MUC3A: variants seen among roughly 807,000 people sequenced by gnomAD.
MUC3A encodes the protein mucin-3A.
In MUC3A, 109 loss-of-function variants were observed where a neutral mutation model predicts 109.0. The ratio of observed to expected loss-of-function variants is 1.00; its 90% CI spans 0.86 to 1.17. The LOEUF (loss-of-function observed/expected upper bound fraction) is 1.17. MUC3A is among the 50% of genes most tolerant of loss of function. The pLI is 0.00. For missense variants in MUC3A, 3,537 were observed against 2,469.4 expected (o/e 1.43, Z -9.16); for synonymous variants, 1,398 against 981.4 (o/e 1.42, Z -7.93).
chr7:100,963,193 A>G lies in MUC3A; in HGVS notation c.9095A>G (p.Gln3032Arg). ...TEVGMEVSVD[Q>R]QFSPDLNDNT... ...GTGGGCATGGAAGTGTCTGTGGATC[A>G]GCAGTTCTCGCCGGACCTCAATGAC... Residue 3032 changes from glutamine (Q) to arginine (R), a missense_variant, in exon 4 of 12, where the codon CAG (glutamine) becomes CGG (arginine). Physicochemically the swap from Gln to Arg is conservative, Grantham distance 43 (BLOSUM62 1). Transcript: ENST00000379458. The G allele has an allele frequency of 6.3e-7, 1 of 1,598,378 alleles. No individual in the cohort carries two copies. The highest frequency in any genetic ancestry group is 1.1e-5 in the South Asian group (1 of 91,008).
Position 100,964,837 on chromosome 7 carries a change from T to A in MUC3A, c.9376T>A (p.Ser3126Thr), listed in dbSNP as rs758716238. 1 of 1,597,464 alleles carries A rather than the reference T, an allele frequency of 6.3e-7. No homozygotes were observed. The highest frequency in any genetic ancestry group is 2.2e-5 in the East Asian group (1 of 44,860). The change falls in exon 6 of 12, where the codon TCC becomes ACC. Residue 3126 changes from serine (S) to threonine (T), a missense_variant. Physicochemically the swap from Ser to Thr is moderately conservative, Grantham distance 58. Coordinates refer to ENST00000379458, the MANE Select transcript of MUC3A (RefSeq NM_005960.2). Reference sequence around the variant, plus strand: ...CCAGGATGTGAACAGCTGCCAGGACTCCCAGAGTGAGCCCAGGCTGGAGGG... The same window carrying A: ...CCAGGATGTGAACAGCTGCCAGGACACCCAGAGTGAGCCCAGGCTGGAGGG... ...ASQDVNSCQD[S>T]QTLCFKPDSI...
chr7:100,963,844 A>G (rs959208271), intron 5 of MUC3A, 92 bp downstream of exon 5: 2 of 1,559,200 alleles, frequency 1.3e-6, no homozygotes, highest in Admixed American at 1.8e-5. Context: ...TAATCATCAG[A>G]TTTTATAAAG....
Position 100,960,007 on chromosome 7 carries a change from C to T in MUC3A, c.8228C>T (p.Ser2743Leu), listed in dbSNP as rs1166343183. The T allele has an allele frequency of 8.0e-6, 12 of 1,507,740 alleles. No homozygotes were observed. Among genetic ancestry groups the T allele is most frequent in the Non-Finnish European group, 1.1e-5 (12 of 1,139,814 alleles). 93.4% of individuals were successfully genotyped at this position (1,507,740 alleles called of 1,614,324 possible). The change falls in exon 2 of 12, where the codon TCA (serine) becomes TTA (leucine). Residue 2743 changes from serine (S) to leucine (L), a missense_variant. Physicochemically the swap from Ser to Leu is moderately radical, Grantham distance 145. Transcript: ENST00000379458. Reference sequence around the variant, plus strand: ...TCCTCTGCAACTACCAGCACTTCTTCAACCAGCTCCTCTCTGACCACAGCT... The same window carrying T: ...TCCTCTGCAACTACCAGCACTTCTTTAACCAGCTCCTCTCTGACCACAGCT... Reference protein sequence around the residue: ...LSSSATTSTSSTSSSLTTALT... With the variant: ...LSSSATTSTSLTSSSLTTALT...
intron 9 of MUC3A, 39 bp from the exon 10 acceptor site, chr7:100,966,613 C>T: frequency 1.9e-6 from 3 of 1,597,874 alleles, no homozygotes; most frequent in South Asian, 2.2e-5. Flanking sequence ...GGGTCCCAGG[C>T]GGGCCGGCTC....
chr7:100,966,218 G>T (rs1204148706), intron 8 of MUC3A, 168 bp from the exon 9 acceptor site: 5 of 575,300 alleles, frequency 8.7e-6, no homozygotes, highest in African/African-American at 2.5e-5. Context: ...CTAGGGTAGA[G>T]CCCCGGCCCC....
In MUC3A at chr7:100,960,165, A is replaced by T; in HGVS notation, c.8386A>T (p.Thr2796Ser). ...CVEMDPSTEA[T>S]SPPTTPLTVF... ...TGAAATGGATCCCAGCACTGAAGCT[A>T]CTTCTCCTCCCACCACCCCATTAAC... Residue 2796 changes from threonine to serine, a missense_variant, in exon 2 of 12, where the codon ACT becomes TCT. Thr to Ser is a moderately conservative substitution (Grantham distance 58, BLOSUM62 1). Transcript: ENST00000379458. 4 of 1,572,278 alleles carry T rather than the reference A, an allele frequency of 2.5e-6. No individual in the cohort carries two copies. The highest frequency in any genetic ancestry group is 3.4e-6 in the Non-Finnish European group (4 of 1,165,106).
Position 100,963,267 on chromosome 7 carries a change from G to A in MUC3A, c.9168+1G>A. The A allele has an allele frequency of 6.3e-7, 1 of 1,596,134 alleles. No individual in the cohort carries two copies. Among genetic ancestry groups the A allele is most frequent in the Non-Finnish European group, 8.5e-7 (1 of 1,178,768 alleles). On this transcript the variant is annotated splice_donor_variant, in intron 4 of 11. Transcript: ENST00000379458. LOFTEE classifies it high-confidence loss of function. ...TTTCAACAAGACCTTCTGGAATCAG[G>A]TAAAGGGCAAAGAGAGGGGATTTTT... is the stretch of plus-strand genomic sequence containing the variant.
In MUC3A at chr7:100,958,043, C is replaced by T; in HGVS notation, c.6264C>T (p.His2088=). The change falls in exon 2 of 12, where the codon CAC becomes CAT. Residue 2088 remains histidine, a synonymous_variant. Transcript: ENST00000379458. The part of the protein sequence containing the change: ...TSITTTETPS[H]STLSFTSSIT... ...TCACCACCACCGAGACCCCCTCACA[C>T]AGTACTCTCAGCTTCACTTCTTCAA... is the stretch of plus-strand genomic sequence containing the variant. 1.7e-6 allele frequency: 2 copies of T among 1,175,082 alleles called. No homozygotes were observed. Among genetic ancestry groups the T allele is most frequent in the Non-Finnish European group, 2.4e-6 (2 of 825,840 alleles). The allele number at this position is 1,175,082 out of a possible 1,614,324, so 72.8% of individuals were successfully genotyped here.
Position 100,953,126 on chromosome 7 carries a change from A to C in MUC3A, c.1347A>C (p.Thr449=). ...LSTDIPFTTP[T]TITHHSVGST... ...CAGACATCCCTTTCACAACACCAAC[A>C]ACTATCACCCACCATTCTGTGGGCT... The change falls in exon 2 of 12, where the codon ACA becomes ACC. Residue 449 remains threonine (T), a synonymous_variant. Coordinates refer to ENST00000379458, the MANE Select transcript of MUC3A (RefSeq NM_005960.2). 1.3e-6 allele frequency: 1 copy of C among 753,788 alleles called. No individual in the cohort carries two copies. Among genetic ancestry groups the C allele is most frequent in the Non-Finnish European group, 2.2e-6 (1 of 462,774 alleles). 46.7% of individuals were successfully genotyped at this position (753,788 alleles called of 1,614,324 possible).
At chr7:100,951,606 G>A (rs1791944123) in intron 1 of MUC3A, among the ~76,000 whole-genome samples, 1 of 152,290 alleles carries the variant, frequency 6.6e-6, no homozygotes, top group African/African-American at 2.4e-5. Context: ...GCCAAGGCCC[G>A]GTGAGGAATG....
chr7:100,960,198 C>A lies in MUC3A; in HGVS notation c.8419C>A (p.Pro2807Thr), dbSNP rs1792271818. The A allele has an allele frequency of 2.5e-6, 4 of 1,592,672 alleles. No individual in the cohort carries two copies. The highest frequency in any genetic ancestry group is 3.4e-6 in the Non-Finnish European group (4 of 1,176,038). ...TCCCACCACCCCATTAACAGTCTTT[C>A]CCTTTACTACCGAAATGGTCACCTG... ...SPPTTPLTVF[P>T]FTTEMVTCPT... The change falls in exon 2 of 12, where the codon CCC becomes ACC. Residue 2807 changes from proline to threonine, a missense_variant. Coordinates refer to ENST00000379458, the MANE Select transcript of MUC3A (RefSeq NM_005960.2).
Position 100,958,185 on chromosome 7 carries a change from A to ACCCCCTCACACAGTACTCCCAGCTTC in MUC3A, c.6406_6407insCCCCCTCACACAGTACTCCCAGCTTC (p.Asn2136ThrfsTer38), listed in dbSNP as rs1792152338. The ACCCCCTCACACAGTACTCCCAGCTTC allele has an allele frequency of 3.2e-6, 1 of 311,112 alleles. No homozygotes were observed. Among genetic ancestry groups the ACCCCCTCACACAGTACTCCCAGCTTC allele is most frequent in the Admixed American group, 4.0e-5 (1 of 24,948 alleles). The allele number at this position is 311,112 out of a possible 1,614,324, so 19.3% of individuals were successfully genotyped here. On this transcript the variant is annotated frameshift_variant, in exon 2 of 12. Transcript: ENST00000379458. LOFTEE classifies it high-confidence loss of function. ...CACTTCTTCGATCACCACCACTGAG[A>ACCCCCTCACACAGTACTCCCAGCTTC]ACGCCACACACAGTACTCCCAACTT...
chr7:100,958,275 A>G lies in MUC3A; in HGVS notation c.6496A>G (p.Thr2166Ala). 2 of 1,465,674 alleles carry G rather than the reference A, an allele frequency of 1.4e-6. No homozygotes were observed. The highest frequency in any genetic ancestry group is 1.8e-6 in the Non-Finnish European group (2 of 1,111,246). 90.8% of individuals were successfully genotyped at this position (1,465,674 alleles called of 1,614,324 possible). Residue 2166 changes from threonine (T) to alanine (A), a missense_variant, in exon 2 of 12, where the codon ACC (threonine) becomes GCC (alanine). Coordinates refer to ENST00000379458, the MANE Select transcript of MUC3A (RefSeq NM_005960.2). ...TACTCCCAGCTTCACTTCTTTGATCACCACCACGGAGACCACCTCACACAG... is the reference window on the plus strand; with the variant it reads ...TACTCCCAGCTTCACTTCTTTGATCGCCACCACGGAGACCACCTCACACAG... Reference protein sequence around the residue: ...HSTPSFTSLITTTETTSHRWG... With the variant: ...HSTPSFTSLIATTETTSHRWG...
rs772292992 is a variant in MUC3A, at chr7:100,959,755, C to A, written c.7976C>A (p.Thr2659Asn). The change falls in exon 2 of 12, where the codon ACT becomes AAT. Residue 2659 changes from threonine to asparagine, a missense_variant. By Grantham distance (65) the Thr-to-Asn change is moderately conservative. Coordinates refer to ENST00000379458, the MANE Select transcript of MUC3A (RefSeq NM_005960.2). ...TCACTCACATCTACAAGTGAGTTCA[C>A]TACAGAATCTTTCACTAGGGGAAGT... The part of the protein sequence containing the change: ...QTSLTSTSEF[T>N]TESFTRGSTS... The A allele has an allele frequency of 6.3e-7, 1 of 1,598,022 alleles. No individual in the cohort carries two copies. The highest frequency in any genetic ancestry group is 8.5e-7 in the Non-Finnish European group (1 of 1,179,650).
Position 100,957,144 on chromosome 7 carries a change from A to C in MUC3A, c.5365A>C (p.Thr1789Pro). Reference sequence around the variant, plus strand: ...CCCTCTAGGGCCCACAGCCACTAATACGTTACCATCATTTACCAGTAGCGT... The same window carrying C: ...CCCTCTAGGGCCCACAGCCACTAATCCGTTACCATCATTTACCAGTAGCGT... ...TTPLGPTATN[T>P]LPSFTSSVSS... Residue 1789 changes from threonine to proline, a missense_variant, in exon 2 of 12, where the codon ACG (threonine) becomes CCG (proline). Transcript: ENST00000379458. The C allele has an allele frequency of 2.2e-6, 1 of 463,420 alleles. No individual in the cohort carries two copies. The allele number at this position is 463,420 out of a possible 1,614,324, so 28.7% of individuals were successfully genotyped here. A position where few individuals can be genotyped will look rare whatever the true frequency, so the allele number is the denominator to read the frequency against.
rs749803528 is a variant in MUC3A at position 100,959,707 on chromosome 7, C to G, written c.7928C>G (p.Pro2643Arg). The G allele has an allele frequency of 3.8e-6, 6 of 1,598,424 alleles. No homozygotes were observed. Among genetic ancestry groups the G allele is most frequent in the Non-Finnish European group, 5.1e-6 (6 of 1,179,826 alleles). Reference protein sequence around the residue: ...STHSSTLQTTPSTPSLQTSLT... With the variant: ...STHSSTLQTTRSTPSLQTSLT... ...CATTCCTCCACCCTTCAAACAACTC[C>G]TTCTACTCCCTCATTGCAAACTTCA... The change falls in exon 2 of 12, where the codon CCT becomes CGT. Residue 2643 changes from proline to arginine, a missense_variant. By Grantham distance (103) the Pro-to-Arg change is moderately radical. Coordinates refer to ENST00000379458, the MANE Select transcript of MUC3A (RefSeq NM_005960.2).
Position 100,965,735 on chromosome 7 carries a change from T to A in MUC3A, c.9480T>A (p.Tyr3160Ter). 6.3e-7 allele frequency: 1 copy of A among 1,598,358 alleles called. No homozygotes were observed. Among genetic ancestry groups the A allele is most frequent in the Non-Finnish European group, 8.5e-7 (1 of 1,179,752 alleles). ...AICRRAAPTG[Y>*]EEFYFPLVEA... Reference sequence around the variant, plus strand: ...GCCGCCGCGCCGCTCCCACGGGCTATGAAGAGTTCTACTTCCCCTTGGTGG... The same window carrying A: ...GCCGCCGCGCCGCTCCCACGGGCTAAGAAGAGTTCTACTTCCCCTTGGTGG... The change falls in exon 8 of 12, where the codon TAT (tyrosine) becomes TAA (stop). Residue 3160 changes from tyrosine to a stop codon, truncating the protein, a stop_gained. Coordinates refer to ENST00000379458, the MANE Select transcript of MUC3A (RefSeq NM_005960.2). LOFTEE classifies it high-confidence loss of function.
intron 6 of MUC3A, 56 bp downstream of exon 6, chr7:100,964,899 C>T (rs992314080): frequency 5.3e-5 from 81 of 1,537,986 alleles, no homozygotes; most frequent in Non-Finnish European, 6.6e-5. Flanking sequence ...CAGCCCACTC[C>T]AGCTCAGCCA....
At chr7:100,967,029 C>A (rs587714429) in intron 11 of MUC3A, 78 bp downstream of exon 11, 2 of 1,598,496 alleles carry the variant, frequency 1.3e-6, no homozygotes, top group East Asian at 2.2e-5. Context: ...CCCACCAGGG[C>A]AGGGAGGGGG....
Sources: allele counts gnomAD v4.1 joint callset (sites outside exome capture counted in the v4.1 genomes callset), GRCh38; gene constraint gnomAD v4.1.1; transcripts MANE v1.5; gene names NCBI Gene and HGNC (gene_info 2026-07-23, HGNC 2026-07-21).